Variants in SPATS2L observed in about 807,000 individuals in gnomAD.
SPATS2L encodes the protein SPATS2-like protein.
A neutral mutation model predicts 59.6 loss-of-function variants in SPATS2L; 30 were observed. The observed-to-expected ratio is 0.50, with a 90% CI of 0.38 to 0.68. The LOEUF (loss-of-function observed/expected upper bound fraction) is 0.68. SPATS2L is among the 30% of genes least tolerant of loss of function. The pLI is 0.00. For synonymous variants in SPATS2L, 252 were observed against 263.5 expected, an observed-to-expected ratio of 0.96 and a Z score of 0.42; for missense variants, 615 against 700.0, an observed-to-expected ratio of 0.88 and a Z score of 1.37.
chr2:200,382,855 A>G (rs1046965396), intron 2 of SPATS2L, among the ~76,000 whole-genome samples: 7 of 152,202 alleles, frequency 4.6e-5, no homozygotes, highest in Non-Finnish European at 7.3e-5. Flanking sequence ...ATTATTATTA[A>G]TAATATATTT....
Position 200,477,981 on chromosome 2 carries a change from T to G in SPATS2L, c.1627T>G (p.Ser543Ala). ...TCTCTGCCCCACGAGAATAGAAGTTTCCACAGATGCAGCAGTTCTCTCAGT... is the reference window on the plus strand; with the variant it reads ...TCTCTGCCCCACGAGAATAGAAGTTGCCACAGATGCAGCAGTTCTCTCAGT... ...CNLCPTRIEV[S>A]TDAAVLSVPA... is the part of the protein sequence containing the mutation. Residue 543 changes from serine (S) to alanine (A), a missense_variant, in exon 13 of 13, where the codon TCC becomes GCC. Coordinates refer to ENST00000409140, the MANE Select transcript of SPATS2L (RefSeq NM_001100423.2). 2 of 1,595,800 alleles carry G rather than the reference T, an allele frequency of 1.3e-6. No individual in the cohort carries two copies. The highest frequency in any genetic ancestry group is 2.2e-5 in the South Asian group (2 of 89,168).
chr2:200,439,438 T>C, intron 7 of SPATS2L, 110 bp downstream of exon 7: 3 of 875,694 alleles, frequency 3.4e-6, no homozygotes. Context: ...GAGATGCACA[T>C]GAAATTGCAT....
intron 3 of SPATS2L, among the ~76,000 whole-genome samples, chr2:200,396,030 A>T (rs1292968030): frequency 7.6e-4 from 32 of 42,130 alleles, no homozygotes; most frequent in Non-Finnish European, 1.5e-3. Flanking sequence ...AAAAAAAAAA[A>T]AAAATATATA....
chr2:200,362,673 A>G (rs1362698936), intron 2 of SPATS2L, among the ~76,000 whole-genome samples: 1 of 152,208 alleles, frequency 6.6e-6, no homozygotes, highest in Non-Finnish European at 1.5e-5. Flanking sequence ...GGTAGAAGGA[A>G]GTAATGGATT....
chr2:200,419,499 C>T lies in SPATS2L; in HGVS notation c.445+3C>T, dbSNP rs774381602. ...AAAGGCACTTCGTGGGGTCACAGGT[C>T]AGTAATGCTTAAGTAAAATTGCTTA... On this transcript the variant is annotated splice_donor_region_variant and intron_variant, in intron 6 of 12. Coordinates refer to ENST00000409140, the MANE Select transcript of SPATS2L (RefSeq NM_001100423.2). 3 of 1,613,342 alleles carry T rather than the reference C, an allele frequency of 1.9e-6. No homozygotes were observed. The highest frequency in any genetic ancestry group is 1.7e-4 in the Middle Eastern group (1 of 6,060).
At chr2:200,454,011 G>A (rs1027979388) in intron 8 of SPATS2L, among the ~76,000 whole-genome samples, 1 of 152,060 alleles carries the variant, frequency 6.6e-6, no homozygotes, top group Non-Finnish European at 1.5e-5. Flanking sequence ...CTCCCATTCT[G>A]CAATTGTTGG....
At chr2:200,384,153 C>A in intron 2 of SPATS2L, 1 of 258,258 alleles carries the variant, frequency 3.9e-6, no homozygotes, top group Non-Finnish European at 6.5e-6. Context: ...CAGAGACAGA[C>A]ATATTTGCCA....
intron 2 of SPATS2L, among the ~76,000 whole-genome samples, chr2:200,341,966 G>A (rs868480935): frequency 5.3e-5 from 8 of 152,238 alleles, no homozygotes; most frequent in African/African-American, 1.7e-4. Context: ...GGGATTACAG[G>A]CGTGAGCCAC....
chr2:200,349,553 C>T (rs1352749304), intron 2 of SPATS2L, among the ~76,000 whole-genome samples: 2 of 152,132 alleles, frequency 1.3e-5, no homozygotes, highest in African/African-American at 2.4e-5. Context: ...CATGAGAATC[C>T]CTTGAACCCA....
chr2:200,473,929 G>A (rs2087286645), intron 12 of SPATS2L, among the ~76,000 whole-genome samples: 1 of 152,036 alleles, frequency 6.6e-6, no homozygotes, highest in African/African-American at 2.4e-5. Context: ...GAACCCGGGA[G>A]GCGGAGGTTT....
At chr2:200,344,467 A>G (rs901295608) in intron 2 of SPATS2L, among the ~76,000 whole-genome samples, 3 of 152,138 alleles carry the variant, frequency 2.0e-5, no homozygotes, top group Non-Finnish European at 2.9e-5. Flanking sequence ...TATCCAGTCT[A>G]TCACTGATGG....
chr2:200,454,350 TAGGCCTGACATGACTCACCCAA>T (rs1051152487), intron 8 of SPATS2L, among the ~76,000 whole-genome samples: 2 of 152,226 alleles, frequency 1.3e-5, no homozygotes, highest in African/African-American at 4.8e-5. Flanking sequence ...TGAAGAACAC[TAGGCCTGACATGACTCACCCAA>T]GCTTCCAAAT....
At chr2:200,313,493 C>T (rs990060072) in intron 1 of SPATS2L, among the ~76,000 whole-genome samples, 2 of 152,168 alleles carry the variant, frequency 1.3e-5, no homozygotes, top group Non-Finnish European at 2.9e-5. Flanking sequence ...TCTTCCTTTC[C>T]CTTATTCCAG....
At chr2:200,315,595 G>A (rs983769434) in intron 1 of SPATS2L, among the ~76,000 whole-genome samples, 13 of 152,094 alleles carry the variant, frequency 8.5e-5, no homozygotes, top group African/African-American at 3.1e-4. Context: ...ATGAATCAAC[G>A]AATCTGGAGT....
chr2:200,412,605 C>CAA (rs11324274), intron 4 of SPATS2L, among the ~76,000 whole-genome samples, 186 bp downstream of exon 4: 2,660 of 126,214 alleles, frequency 0.021, 47 homozygotes, highest in Middle Eastern at 0.057. Flanking sequence ...GACCCCATCT[C>CAA]AAAAAAAAAA....
At chr2:200,438,252 G>A (rs975327579) in intron 6 of SPATS2L, among the ~76,000 whole-genome samples, 3 of 152,116 alleles carry the variant, frequency 2.0e-5, no homozygotes, top group Non-Finnish European at 4.4e-5. Context: ...CAGGACATAA[G>A]GAATACCAGA....
chr2:200,372,452 A>G (rs1329987904), intron 2 of SPATS2L, among the ~76,000 whole-genome samples: 1 of 152,082 alleles, frequency 6.6e-6, no homozygotes, highest in Non-Finnish European at 1.5e-5. Context: ...GGCCCAGGAA[A>G]GGGTATTCCA....
At position 200,480,950 on chromosome 2, in the gene SPATS2L, T is replaced by A. The variant is rs2087760447; in HGVS notation, c.*2919T>A. 6.6e-6 allele frequency: 1 copy of A among 152,242 alleles called. No homozygotes were observed. Among genetic ancestry groups the A allele is most frequent in the South Asian group, 2.1e-4 (1 of 4,836 alleles). 9.4% of individuals were successfully genotyped at this position (152,242 alleles called of 1,614,324 possible). On this transcript the variant is annotated 3_prime_UTR_variant, in exon 13 of 13. Transcript: ENST00000409140. ...GTAGAGGTTAAAATAGTTTAATCCT[T>A]ATGAAGATGGAATAACTTCAAACTC...
Position 200,439,112 on chromosome 2 carries a change from T to C in SPATS2L, c.446-10T>C. On this transcript the variant is annotated splice_polypyrimidine_tract_variant and intron_variant, in intron 6 of 12. Transcript: ENST00000409140. ...TCACTTCACAGTCATTATTTGGTGT[T>C]TTCTTACAGAAGGCAACAGACTACT... 2 of 1,610,370 alleles carry C rather than the reference T, an allele frequency of 1.2e-6. No individual in the cohort carries two copies. Among genetic ancestry groups the C allele is most frequent in the Non-Finnish European group, 1.7e-6 (2 of 1,176,862 alleles).
Sources: allele counts gnomAD v4.1 joint callset (sites outside exome capture counted in the v4.1 genomes callset), GRCh38; gene constraint gnomAD v4.1.1; transcripts MANE v1.5; gene names NCBI Gene and HGNC (gene_info 2026-07-23, HGNC 2026-07-21).